The following NDUFA10 variants were observed in gnomAD, a reference collection of about 807,000 sequenced individuals.
The protein encoded by NDUFA10 is NADH dehydrogenase [ubiquinone] 1 alpha subcomplex subunit 10, mitochondrial.
In NDUFA10, 40 loss-of-function variants were observed where a neutral mutation model predicts 47.8. The observed-to-expected ratio is 0.84, with a 90% confidence interval of 0.65 to 1.09. The LOEUF is 1.09. Ranked by LOEUF, NDUFA10 falls within the 50% of genes least tolerant of loss-of-function variation. NDUFA10 has a pLI of 0.00. For missense variants in NDUFA10, 413 were observed against 451.1 expected (o/e 0.92, Z 0.76); for synonymous variants, 183 against 172.2 (o/e 1.06, Z -0.49).
intron 9 of NDUFA10, among the ~76,000 whole-genome samples, chr2:239,989,027 G>GA (rs1696137212): frequency 6.6e-6 from 1 of 150,436 alleles, no homozygotes; most frequent in Admixed American, 6.6e-5. Context: ...AGATAAGGGA[G>GA]AAACAGCACG....
At chr2:239,954,543 T>C (rs904585780), downstream of NDUFA10, among the ~76,000 whole-genome samples, 9 of 152,228 alleles carry the variant, frequency 5.9e-5, no homozygotes, top group African/African-American at 1.9e-4. Flanking sequence ...AGGAAAAGCA[T>C]GCCTTAAGGA....
chr2:239,994,458 C>T lies in NDUFA10; in HGVS notation c.891-4276G>A, dbSNP rs540166119. Among the ~76,000 whole-genome samples, 7 of 152,028 alleles carry T rather than the reference C, an allele frequency of 4.6e-5. No individual in the cohort carries two copies. The South Asian group carries it at 1.0e-3, about 23-fold the overall frequency. The stretch of plus-strand genomic sequence containing the variant: ...GATGATCTGTCACTGTCTCCCATCA[C>T]CCCCAGATGGGACCATCTAGTTGCA... On this transcript the variant is annotated intron_variant, in intron 8 of 9. Transcript: ENST00000252711.
At chr2:239,962,210 TAC>T (rs59356951) in intron 9 of NDUFA10, among the ~76,000 whole-genome samples, 18,559 of 149,216 alleles carry the variant, frequency 0.12, 1,109 homozygotes, top group South Asian at 0.15. Flanking sequence ...TCAATTTGTG[TAC>T]ACACACACAC....
chr2:239,904,652 G>A (rs1180563691), intron 4 of NDUFA10, among the ~76,000 whole-genome samples: 2 of 152,156 alleles, frequency 1.3e-5, no homozygotes, highest in Non-Finnish European at 2.9e-5. Flanking sequence ...CCCTAGGCAC[G>A]GTGCCCTCAG....
In NDUFA10 at chr2:240,021,432, G is replaced by A. The variant is rs1486685195; in HGVS notation, c.245-20C>T. 1 of 1,598,174 alleles carries A rather than the reference G, an allele frequency of 6.3e-7. No homozygotes were observed. Among genetic ancestry groups the A allele is most frequent in the Non-Finnish European group, 8.6e-7 (1 of 1,167,080 alleles). ...TGAAGCCTGAAAAGAGAAACAGTCG[G>A]ATGCAGTCTGATGCACATCACTCAC... On this transcript the variant is annotated intron_variant, in intron 2 of 9. Coordinates refer to ENST00000252711, the MANE Select transcript of NDUFA10 (RefSeq NM_004544.4).
chr2:239,979,991 C>T (rs530954947), intron 9 of NDUFA10, among the ~76,000 whole-genome samples: 182 of 152,162 alleles, frequency 1.2e-3, no homozygotes, highest in Middle Eastern at 6.8e-3. Context: ...CCCCACATCC[C>T]TCACTCCCCT....
chr2:239,913,419 G>C lies in NDUFA10; in HGVS notation c.295-18105C>G, dbSNP rs1403877922. 1.3e-5 allele frequency among the ~76,000 whole-genome samples: 2 copies of C among 152,250 alleles called. 1 individual carries two copies. The highest frequency in any genetic ancestry group is 2.9e-5 in the Non-Finnish European group (2 of 68,042). On this transcript the variant is annotated intron_variant, in intron 4 of 5. Coordinates refer to the NDUFA10 transcript ENST00000419408. ...AGGACTCTGCCACGATGGGCGGGCT[G>C]GCCTTGTGGTCACGTGGTGAACCTT... is the stretch of plus-strand genomic sequence containing the variant.
intron 8 of NDUFA10, among the ~76,000 whole-genome samples, chr2:240,004,268 C>A (rs1162560916): frequency 1.3e-5 from 2 of 152,194 alleles, no homozygotes; most frequent in Admixed American, 1.3e-4. Context: ...GCGAGGCCGT[C>A]TCCTTGGCAG....
chr2:240,013,746 T>A (rs1697226743), intron 5 of NDUFA10: 1 of 152,168 alleles, frequency 6.6e-6, no homozygotes, highest in African/African-American at 2.4e-5. Flanking sequence ...GAACCCACCA[T>A]CCAGAGAGGT....
intron 4 of NDUFA10, among the ~76,000 whole-genome samples, chr2:239,907,074 G>A (rs1693667990): frequency 6.6e-6 from 1 of 152,094 alleles, no homozygotes; most frequent in African/African-American, 2.4e-5. Flanking sequence ...TAGACCAATG[G>A]AACAGATTAG....
intron 9 of NDUFA10, 152 bp downstream of exon 9, chr2:239,989,922 A>T: frequency 3.0e-6 from 2 of 675,742 alleles, no homozygotes; most frequent in Non-Finnish European, 5.4e-6. Flanking sequence ...TACGGGGAAA[A>T]GGGAGAATTA....
At position 240,021,376 on chromosome 2, in the gene NDUFA10, G is replaced by A; in HGVS notation, c.281C>T (p.Pro94Leu). Residue 94 changes from proline (P) to leucine (L), a missense_variant, in exon 3 of 10, where the codon CCA becomes CTA. By Grantham distance (98) the Pro-to-Leu change is moderately conservative. Transcript: ENST00000252711. ...CTTCCCATCTCCTGTGGTACTGTCT[G>A]GATAATGAATCCCCGCTTCAGGAAA... ...KHFPEAGIHYPDSTTGDGKPL... is the reference protein window; with the variant it reads ...KHFPEAGIHYLDSTTGDGKPL... The A allele has an allele frequency of 6.2e-7, 1 of 1,614,186 alleles. No individual in the cohort carries two copies. The highest frequency in any genetic ancestry group is 8.5e-7 in the Non-Finnish European group (1 of 1,180,032).
Position 239,959,256 on chromosome 2 carries a change from T to C in NDUFA10, c.*1862A>G, listed in dbSNP as rs983719674. ...CACCATGCCGACACGGAGCCCTGCA[T>C]GGTTGGAGAGCTCTGCCCCTCACAA... On this transcript the variant is annotated 3_prime_UTR_variant, in exon 10 of 10. Coordinates refer to ENST00000252711, the MANE Select transcript of NDUFA10 (RefSeq NM_004544.4). 2 of 985,328 alleles carry C rather than the reference T, an allele frequency of 2.0e-6. No homozygotes were observed. The highest frequency in any genetic ancestry group is 2.4e-6 in the Non-Finnish European group (2 of 829,948). 61.0% of individuals were successfully genotyped at this position (985,328 alleles called of 1,614,324 possible).
intron 9 of NDUFA10, among the ~76,000 whole-genome samples, chr2:239,986,534 T>C (rs1298400138): frequency 6.6e-6 from 1 of 152,024 alleles, no homozygotes. Context: ...TTTCAACAAA[T>C]AGAAACACAG....
At chr2:239,911,795 C>T (rs1277487650) in intron 4 of NDUFA10, among the ~76,000 whole-genome samples, 2 of 151,842 alleles carry the variant, frequency 1.3e-5, no homozygotes, top group South Asian at 2.1e-4. Context: ...CACACACCAC[C>T]CAGAAATCCC....
intron 9 of NDUFA10, among the ~76,000 whole-genome samples, chr2:239,989,781 G>C (rs1292425978): frequency 6.6e-6 from 1 of 152,194 alleles, no homozygotes; most frequent in Non-Finnish European, 1.5e-5. Context: ...TGACAGTAAA[G>C]AAACTGACAT....
At chr2:240,015,346 A>G (rs1377917368) in intron 4 of NDUFA10, among the ~76,000 whole-genome samples, 1 of 152,278 alleles carries the variant, frequency 6.6e-6, no homozygotes, top group Non-Finnish European at 1.5e-5. Context: ...CTTGCAGTAT[A>G]TATGTTGCAG....
intron 9 of NDUFA10, among the ~76,000 whole-genome samples, chr2:239,973,320 C>T (rs1296824775): frequency 6.6e-6 from 1 of 152,150 alleles, no homozygotes; most frequent in African/African-American, 2.4e-5. Context: ...TCTGGCCTTC[C>T]GTCTCCCGCA....
At chr2:239,946,400 C>G (rs1012944566) in intron 4 of NDUFA10, among the ~76,000 whole-genome samples, 3 of 152,214 alleles carry the variant, frequency 2.0e-5, no homozygotes, top group Non-Finnish European at 4.4e-5. Flanking sequence ...GGAATTAGCT[C>G]GTTAACCCGC....
Sources: gnomAD v4.1 joint callset for allele counts (sites outside exome capture counted in the v4.1 genomes callset) on GRCh38, gnomAD v4.1.1 for gene constraint, MANE v1.5 for transcripts, NCBI Gene and HGNC (gene_info 2026-07-23, HGNC 2026-07-21) for gene names.